Variants in HDAC5 observed in about 807,000 individuals in gnomAD.
HDAC5 encodes histone deacetylase 5, also known as antigen NY-CO-9.
A neutral mutation model predicts 133.3 loss-of-function variants in HDAC5; 25 were observed. The observed-to-expected ratio is 0.19, with a 90% CI of 0.14 to 0.26. HDAC5 has a LOEUF of 0.26. HDAC5 is among the 10% of genes least tolerant of loss of function. The pLI, the probability that HDAC5 is intolerant of heterozygous loss-of-function variation, is 1.00. For synonymous variants in HDAC5, 589 were observed against 610.8 expected (o/e 0.96, Z 0.53); for missense variants, 1,041 against 1,460.5 (o/e 0.71, Z 4.68).
intron 3 of HDAC5, among the ~76,000 whole-genome samples, chr17:44,104,516 T>A (rs2051813796): frequency 6.6e-6 from 1 of 151,964 alleles, no homozygotes; most frequent in African/African-American, 2.4e-5. Flanking sequence ...TTCTTGTGGG[T>A]CCCACACAAC....
rs142496218 is a variant in HDAC5, at chr17:44,084,830, G to A, written c.2185-155C>T. ...CTGGCTCTGTCATGACCTTACTCCC[G>A]GATCCCCCCCACTCAGCTGGGGACC... is the stretch of plus-strand genomic sequence containing the variant. On this transcript the variant is annotated intron_variant, in intron 15 of 26. Coordinates refer to ENST00000682912, the MANE Select transcript of HDAC5 (RefSeq NM_005474.5). Among the ~76,000 whole-genome samples, 426 of 152,190 alleles carry A rather than the reference G, an allele frequency of 2.8e-3. 5 individuals are homozygous for A. The highest frequency in any genetic ancestry group is 9.4e-3 in the African/African-American group (390 of 41,500).
At chr17:44,104,241 T>A (rs1208102453) in intron 3 of HDAC5, among the ~76,000 whole-genome samples, 2 of 151,106 alleles carry the variant, frequency 1.3e-5, no homozygotes, top group African/African-American at 4.9e-5. Flanking sequence ...GAGGCGGAGG[T>A]TGCAGTGAGC....
intron 10 of HDAC5, 90 bp downstream of exon 10, chr17:44,091,610 G>A: frequency 6.7e-7 from 1 of 1,495,080 alleles, no homozygotes. Flanking sequence ...TCTCCCTTAG[G>A]GCCTTGGAAG....
chr17:44,077,868 G>A lies in HDAC5; in HGVS notation c.*508C>T, dbSNP rs1400461326. 1 of 153,378 alleles carries A rather than the reference G, an allele frequency of 6.5e-6. No homozygotes were observed. Among genetic ancestry groups the A allele is most frequent in the Non-Finnish European group, 1.5e-5 (1 of 68,590 alleles). The allele number at this position is 153,378 out of a possible 1,614,324, so 9.5% of individuals were successfully genotyped here. A position where few individuals can be genotyped will look rare whatever the true frequency, so the allele number is the denominator to read the frequency against. On this transcript the variant is annotated 3_prime_UTR_variant, in exon 27 of 27. Transcript: ENST00000682912. ...GAGGACGAAAGAAGGGGAAAGGGTG[G>A]AGAATCGCAGGGTGGGTGCCCACCT...
At chr17:44,106,471 G>A (rs1219145217) in intron 3 of HDAC5, among the ~76,000 whole-genome samples, 2 of 152,178 alleles carry the variant, frequency 1.3e-5, no homozygotes, top group Non-Finnish European at 2.9e-5. Context: ...ATGGGCTCTC[G>A]TCTAAAGGGG....
intron 5 of HDAC5, 40 bp from the exon 6 acceptor site, chr17:44,093,246 A>T: frequency 6.3e-7 from 1 of 1,589,164 alleles, no homozygotes; most frequent in Non-Finnish European, 8.6e-7. Context: ...GCTTGGGGCC[A>T]GACCCCCCAT....
intron 3 of HDAC5, among the ~76,000 whole-genome samples, chr17:44,095,085 G>A (rs1005023460): frequency 2.6e-5 from 4 of 152,250 alleles, no homozygotes; most frequent in African/African-American, 9.6e-5. Flanking sequence ...GTGAGCCACT[G>A]CCCAGCCTTC....
intron 13 of HDAC5, 117 bp from the exon 14 acceptor site, chr17:44,086,854 TC>T: frequency 1.5e-6 from 1 of 670,592 alleles, no homozygotes; most frequent in Non-Finnish European, 2.1e-6. Flanking sequence ...CAAGTCTCCT[TC>T]CCCCACCTCC....
At position 44,084,571 on chromosome 17, in the gene HDAC5, G is replaced by T. The variant is rs2050558821; in HGVS notation, c.2289C>A (p.Asp763Glu). ...CCAGCTCACCGAGCAACTTCTTGCT[G>T]TCTAGCTTCTGCCGGTTGAGGGGAC... ...GTSPLNRQKL[D>E]SKKLLGPISQ... Residue 763 changes from aspartate to glutamate, a missense_variant, in exon 16 of 27, where the codon GAC becomes GAA. Coordinates refer to ENST00000682912, the MANE Select transcript of HDAC5 (RefSeq NM_005474.5). The T allele has an allele frequency of 1.2e-6, 2 of 1,614,130 alleles. No homozygotes were observed. Among genetic ancestry groups the T allele is most frequent in the Non-Finnish European group, 1.7e-6 (2 of 1,179,998 alleles).
At chr17:44,094,234 A>T (rs2143303023) in intron 3 of HDAC5, among the ~76,000 whole-genome samples, 1 of 152,162 alleles carries the variant, frequency 6.6e-6, no homozygotes, top group South Asian at 2.1e-4. Flanking sequence ...GAGGCATGGG[A>T]ATCTCTTGAA....
chr17:44,098,222 C>G (rs2051384170), intron 3 of HDAC5, among the ~76,000 whole-genome samples: 1 of 152,224 alleles, frequency 6.6e-6, no homozygotes, highest in South Asian at 2.1e-4. Flanking sequence ...GCCTTGCACT[C>G]TCTCAAGGAT....
rs139721373 is a variant in HDAC5 at position 44,085,006 on chromosome 17, G to A, written c.2184+16C>T. On this transcript the variant is annotated intron_variant, in intron 15 of 26. Coordinates refer to ENST00000682912, the MANE Select transcript of HDAC5 (RefSeq NM_005474.5). ...GGATTTAAGTTGAGAGCCAGAAGAA[G>A]GAGGGGCTCCCTTACCTCGCACTTG... The A allele has an allele frequency of 1.9e-6, 3 of 1,574,124 alleles. No homozygotes were observed. The African/African-American group carries it at 4.0e-5, about 21-fold the overall frequency.
chr17:44,087,338 G>A lies in HDAC5; in HGVS notation c.1884+74C>T, dbSNP rs2050713986. The A allele has an allele frequency of 1.9e-5, 13 of 700,430 alleles. No homozygotes were observed. The South Asian group carries it at 2.1e-4, about 11-fold the overall frequency. 43.4% of individuals were successfully genotyped at this position (700,430 alleles called of 1,614,324 possible). On this transcript the variant is annotated intron_variant, in intron 13 of 26. Transcript: ENST00000682912. Reference sequence around the variant, plus strand: ...AAACTGCAGATGGGGGAGAGGGAAAGACAAGGGCAGAGGCAGGGGTGGAGA... The same window carrying A: ...AAACTGCAGATGGGGGAGAGGGAAAAACAAGGGCAGAGGCAGGGGTGGAGA...
At chr17:44,111,724 G>A (rs1392936722) in intron 2 of HDAC5, 1 of 506,596 alleles carries the variant, frequency 2.0e-6, no homozygotes, top group Non-Finnish European at 3.9e-6. Flanking sequence ...CCTTCAACCA[G>A]CAGAGAGACC....
intron 2 of HDAC5, among the ~76,000 whole-genome samples, chr17:44,114,391 C>A (rs984423968): frequency 6.6e-6 from 1 of 152,210 alleles, no homozygotes; most frequent in African/African-American, 2.4e-5. Flanking sequence ...CCTGGCTCCA[C>A]CCCACACCCA....
intron 20 of HDAC5, chr17:44,082,249 T>C (rs370484247): frequency 5.8e-6 from 2 of 345,620 alleles, no homozygotes; most frequent in South Asian, 7.6e-5. Flanking sequence ...CTCCTAATTG[T>C]AGGGGGTGGG....
At chr17:44,105,946 C>T (rs996714465) in intron 3 of HDAC5, among the ~76,000 whole-genome samples, 6 of 152,226 alleles carry the variant, frequency 3.9e-5, no homozygotes, top group Non-Finnish European at 5.9e-5. Context: ...GGCTGCCCTA[C>T]AGAATCCAAA....
At chr17:44,115,398 T>C (rs949626305) in intron 2 of HDAC5, among the ~76,000 whole-genome samples, 1 of 152,184 alleles carries the variant, frequency 6.6e-6, no homozygotes, top group African/African-American at 2.4e-5. Flanking sequence ...TACAGGGAAG[T>C]GGACACCCGC....
chr17:44,098,755 A>AAG (rs1210616982), intron 3 of HDAC5, among the ~76,000 whole-genome samples: 1 of 150,236 alleles, frequency 6.7e-6, no homozygotes, highest in East Asian at 2.0e-4. Flanking sequence ...AAAAAAAAAA[A>AAG]AGAGGGTAGA....
Sources: allele counts gnomAD v4.1 joint callset (sites outside exome capture counted in the v4.1 genomes callset), GRCh38; gene constraint gnomAD v4.1.1; transcripts MANE v1.5; gene names NCBI Gene and HGNC (gene_info 2026-07-23, HGNC 2026-07-21).